RALGAPA2: variants seen among roughly 807,000 people sequenced by gnomAD.
RALGAPA2 encodes the protein Ral GTPase activating protein catalytic subunit alpha 2.
A neutral mutation model predicts 230.4 loss-of-function variants in RALGAPA2; 139 were observed. The observed-to-expected ratio is 0.60, with a 90% CI of 0.53 to 0.69. The LOEUF is 0.69. RALGAPA2 is among the 30% of genes least tolerant of loss of function. The pLI is 0.00. For missense variants in RALGAPA2, 2,163 were observed against 2,276.0 expected, an observed-to-expected ratio of 0.95 and a Z score of 1.01; for synonymous variants, 847 against 837.8, an observed-to-expected ratio of 1.01 and a Z score of -0.19.
chr20:20,414,053 A>G (rs978064740), intron 37 of RALGAPA2, among the ~76,000 whole-genome samples: 8 of 152,258 alleles, frequency 5.3e-5, no homozygotes, highest in Non-Finnish European at 1.2e-4. Flanking sequence ...GAACAGCAGG[A>G]CGTTAGGCCT....
At chr20:20,609,575 T>C (rs1256651816) in intron 14 of RALGAPA2, among the ~76,000 whole-genome samples, 1 of 152,286 alleles carries the variant, frequency 6.6e-6, no homozygotes, top group Admixed American at 6.5e-5. Context: ...CCAGAATAGA[T>C]ACTTGTTTAA....
chr20:20,646,306 G>A (rs890983912), intron 4 of RALGAPA2, among the ~76,000 whole-genome samples: 1 of 152,178 alleles, frequency 6.6e-6, no homozygotes, highest in South Asian at 2.1e-4. Context: ...TTACAGGTGT[G>A]AGCCAATGCG....
chr20:20,598,961 T>C (rs1345158827), intron 16 of RALGAPA2: 36 of 337,030 alleles, frequency 1.1e-4, no homozygotes, highest in South Asian at 7.8e-4. Flanking sequence ...CAGTACAAAG[T>C]ATAGTATTTA....
intron 22 of RALGAPA2, 100 bp downstream of exon 22, chr20:20,571,748 T>C (rs1367575933): frequency 6.9e-7 from 1 of 1,457,022 alleles, no homozygotes; most frequent in African/African-American, 1.4e-5. Flanking sequence ...AGACCCAGCC[T>C]GTCTTCAAAA....
At chr20:20,607,475 T>C (rs1360070928) in intron 14 of RALGAPA2, among the ~76,000 whole-genome samples, 1 of 152,082 alleles carries the variant, frequency 6.6e-6, no homozygotes, top group Non-Finnish European at 1.5e-5. Context: ...ATAAAATAAT[T>C]TTATCTTTAT....
chr20:20,406,017 C>T (rs1024446734), intron 38 of RALGAPA2, among the ~76,000 whole-genome samples: 1 of 152,152 alleles, frequency 6.6e-6, no homozygotes, highest in Non-Finnish European at 1.5e-5. Flanking sequence ...GAGACACACA[C>T]GCAGGATAAA....
intron 6 of RALGAPA2, 88 bp downstream of exon 6, chr20:20,640,613 T>C (rs920440580): frequency 3.1e-6 from 4 of 1,310,474 alleles, no homozygotes; most frequent in Admixed American, 4.3e-5. Context: ...TCCATCAGGA[T>C]TTCTATTCAA....
At chr20:20,511,874 T>C (rs2062713730) in intron 32 of RALGAPA2, among the ~76,000 whole-genome samples, 1 of 152,118 alleles carries the variant, frequency 6.6e-6, no homozygotes, top group African/African-American at 2.4e-5. Context: ...GCAGAAACAA[T>C]AATGGACAAA....
At chr20:20,402,167 G>A (rs2059856116) in intron 38 of RALGAPA2, among the ~76,000 whole-genome samples, 1 of 152,224 alleles carries the variant, frequency 6.6e-6, no homozygotes, top group Admixed American at 6.5e-5. Flanking sequence ...ACCTGGTGAT[G>A]GAAAAACCAG....
intron 30 of RALGAPA2, among the ~76,000 whole-genome samples, chr20:20,524,203 G>C (rs1047391377): frequency 6.6e-6 from 1 of 152,118 alleles, no homozygotes; most frequent in Non-Finnish European, 1.5e-5. Context: ...TGATCTGCCC[G>C]CCTCGGCCTC....
intron 37 of RALGAPA2, among the ~76,000 whole-genome samples, chr20:20,467,558 G>A (rs1159488702): frequency 6.6e-6 from 1 of 152,006 alleles, no homozygotes; most frequent in South Asian, 2.1e-4. Flanking sequence ...TTAGGTGCAA[G>A]AGCCATTGAT....
chr20:20,629,257 A>G (rs2066589839), intron 10 of RALGAPA2, 106 bp downstream of exon 10: 1 of 885,326 alleles, frequency 1.1e-6, no homozygotes, highest in Non-Finnish European at 1.8e-6. Context: ...CACCAATTCT[A>G]TTTGTTGGCG....
chr20:20,438,378 A>G (rs1018808203), intron 37 of RALGAPA2, among the ~76,000 whole-genome samples: 3 of 152,242 alleles, frequency 2.0e-5, no homozygotes, highest in African/African-American at 7.2e-5. Flanking sequence ...GCATTTCACT[A>G]TAACTGATGT....
intron 37 of RALGAPA2, among the ~76,000 whole-genome samples, chr20:20,457,123 C>T (rs1275669291): frequency 6.6e-6 from 1 of 152,160 alleles, no homozygotes; most frequent in African/African-American, 2.4e-5. Flanking sequence ...CACTTGCACC[C>T]TTCTTGCTAG....
At chr20:20,650,030 T>C (rs1018357012) in intron 4 of RALGAPA2, among the ~76,000 whole-genome samples, 1 of 152,192 alleles carries the variant, frequency 6.6e-6, no homozygotes, top group African/African-American at 2.4e-5. Context: ...TGTATATTAG[T>C]GTACAATGCA....
At chr20:20,432,937 G>A (rs191593824) in intron 37 of RALGAPA2, among the ~76,000 whole-genome samples, 1 of 152,216 alleles carries the variant, frequency 6.6e-6, no homozygotes, top group Non-Finnish European at 1.5e-5. Context: ...CAGAGCCTCC[G>A]CTCCAGCTGT....
chr20:20,507,888 T>C (rs12625652), intron 33 of RALGAPA2, among the ~76,000 whole-genome samples: 41 of 152,316 alleles, frequency 2.7e-4, no homozygotes, highest in African/African-American at 9.1e-4. Context: ...TGGAGAAGTA[T>C]AGTTATTCAG....
intron 36 of RALGAPA2, among the ~76,000 whole-genome samples, chr20:20,490,150 T>C (rs940793624): frequency 1.3e-5 from 2 of 152,204 alleles, no homozygotes; most frequent in Admixed American, 6.5e-5. Flanking sequence ...ATAAACGTTC[T>C]TTAGTATTCT....
chr20:20,640,747 A>C lies in RALGAPA2; in HGVS notation c.504T>G (p.Pro168=), dbSNP rs754309664. Residue 168 remains proline (P), a synonymous_variant, in exon 6 of 40, where the codon CCT becomes CCG. Coordinates refer to ENST00000202677, the MANE Select transcript of RALGAPA2 (RefSeq NM_020343.4). ...GATTGATGAGTGTCTCCAGTGTGCA[A>C]GGGCCCCTGGATGACATGACTGCTG... ...GFPAVMSSRG[P]CTLETLINPS... 1.9e-6 allele frequency: 3 copies of C among 1,613,828 alleles called. No individual in the cohort carries two copies. The highest frequency in any genetic ancestry group is 2.5e-6 in the Non-Finnish European group (3 of 1,179,842).
Sources: gnomAD v4.1 joint callset for allele counts (sites outside exome capture counted in the v4.1 genomes callset) on GRCh38, gnomAD v4.1.1 for gene constraint, MANE v1.5 for transcripts, NCBI Gene and HGNC (gene_info 2026-07-23, HGNC 2026-07-21) for gene names.